Variants in ADAM18 observed in about 807,000 individuals in gnomAD.
ADAM18 encodes disintegrin and metalloproteinase domain-containing protein 18.
Under a neutral mutation model 94.4 loss-of-function variants are expected in ADAM18, and 117 were observed. The observed-to-expected ratio is 1.24, with a 90% CI of 1.07 to 1.45. The LOEUF is 1.45. Ranked by LOEUF, ADAM18 falls within the 40% of genes most tolerant of loss-of-function variation. ADAM18 has a pLI of 0.00. For missense variants in ADAM18, 936 were observed against 880.0 expected, an observed-to-expected ratio of 1.06 and a Z score of -0.81; for synonymous variants, 327 against 291.6, an observed-to-expected ratio of 1.12 and a Z score of -1.24.
intron 17 of ADAM18, among the ~76,000 whole-genome samples, chr8:39,693,473 T>C (rs1205130120): frequency 6.6e-6 from 1 of 151,272 alleles, no homozygotes. Flanking sequence ...TTCAGCCTTA[T>C]TATTTTTTAC....
chr8:39,589,702 C>T (rs1818516367), intron 2 of ADAM18, among the ~76,000 whole-genome samples: 1 of 151,688 alleles, frequency 6.6e-6, no homozygotes. Context: ...TTTTTAATTA[C>T]TAATTTTGTA....
intron 16 of ADAM18, among the ~76,000 whole-genome samples, chr8:39,686,009 C>T (rs1563306302): frequency 6.6e-6 from 1 of 152,174 alleles, no homozygotes; most frequent in Non-Finnish European, 1.5e-5. Context: ...CCTACCAATG[C>T]TCTGATCACA....
chr8:39,634,192 C>T (rs1474543160), intron 7 of ADAM18, among the ~76,000 whole-genome samples: 1 of 152,144 alleles, frequency 6.6e-6, no homozygotes, highest in African/African-American at 2.4e-5. Context: ...ACATCTCAGA[C>T]TGTGGTTTCA....
intron 10 of ADAM18, among the ~76,000 whole-genome samples, chr8:39,640,619 G>A (rs1226395026): frequency 6.6e-6 from 1 of 152,060 alleles, no homozygotes; most frequent in Non-Finnish European, 1.5e-5. Flanking sequence ...GTTCCACAAT[G>A]GTTGAAGTAA....
At chr8:39,657,668 C>T (rs1820725744) in intron 12 of ADAM18, among the ~76,000 whole-genome samples, 1 of 152,100 alleles carries the variant, frequency 6.6e-6, no homozygotes, top group Non-Finnish European at 1.5e-5. Flanking sequence ...TGACACTATT[C>T]ATGTTGTTTT....
rs143444909 is a variant in ADAM18, at chr8:39,625,727, T to G, written c.523-3647T>G. On this transcript the variant is annotated intron_variant, in intron 6 of 19. Transcript: ENST00000265707. ...TATGTTCCTTCTGTGCCTAGTTTGT[T>G]GAATTTTTTTATTATAAAGAGATGC... Among the ~76,000 whole-genome samples, 67 of 152,312 alleles carry G rather than the reference T, an allele frequency of 4.4e-4. No individual in the cohort carries two copies. The East Asian group carries it at 0.012, about 26-fold the overall frequency.
chr8:39,672,125 A>G (rs533523358), intron 14 of ADAM18, among the ~76,000 whole-genome samples: 1 of 152,318 alleles, frequency 6.6e-6, no homozygotes, highest in South Asian at 2.1e-4. Flanking sequence ...GCCATAGCAG[A>G]TAGTGGAAAA....
At position 39,636,523 on chromosome 8, in the gene ADAM18, A is replaced by T. The variant is rs186041091; in HGVS notation, c.589-741A>T. ...ATATTATAATCCTCTTTCATTCCTG[A>T]TGTTGGCAATTTATATCTTCTCTCT... is the stretch of plus-strand genomic sequence containing the variant. On this transcript the variant is annotated intron_variant, in intron 7 of 19. Coordinates refer to ENST00000265707, the MANE Select transcript of ADAM18 (RefSeq NM_014237.3). Among the ~76,000 whole-genome samples the T allele has an allele frequency of 6.6e-3, 1,002 of 152,152 alleles. 10 individuals carry two copies. The highest frequency in any genetic ancestry group is 0.023 in the African/African-American group (943 of 41,530).
chr8:39,624,766 G>C (rs1170256784), intron 6 of ADAM18, among the ~76,000 whole-genome samples: 1 of 152,092 alleles, frequency 6.6e-6, no homozygotes, highest in Admixed American at 6.5e-5. Flanking sequence ...GAGTTCTCAG[G>C]AGATCTGGTT....
chr8:39,622,229 T>C (rs1819636326), intron 6 of ADAM18, among the ~76,000 whole-genome samples: 1 of 151,034 alleles, frequency 6.6e-6, no homozygotes, highest in Admixed American at 6.6e-5. Context: ...GGCAAAATTA[T>C]ATTCTCATTG....
chr8:39,606,237 G>T, intron 2 of ADAM18, 70 bp from the exon 3 acceptor site: 1 of 812,524 alleles, frequency 1.2e-6, no homozygotes, highest in Non-Finnish European at 1.9e-6. Context: ...TTATTAACTT[G>T]GATGAATATT....
At chr8:39,680,726 A>G (rs1162405002) in intron 16 of ADAM18, among the ~76,000 whole-genome samples, 1 of 152,224 alleles carries the variant, frequency 6.6e-6, no homozygotes, top group African/African-American at 2.4e-5. Context: ...CTATGTAGTC[A>G]TAACATAAAA....
At chr8:39,620,909 A>G (rs1819596745) in intron 6 of ADAM18, among the ~76,000 whole-genome samples, 1 of 151,778 alleles carries the variant, frequency 6.6e-6, no homozygotes, top group Non-Finnish European at 1.5e-5. Flanking sequence ...TATTTAATGG[A>G]TACAATATAC....
intron 6 of ADAM18, chr8:39,611,434 T>A (rs1293940529): frequency 2.2e-6 from 2 of 907,980 alleles, no homozygotes; most frequent in Non-Finnish European, 2.6e-6. Context: ...AAAAAAAAAA[T>A]CCCATGAAGC....
rs143550557 is a variant in ADAM18 at position 39,592,561 on chromosome 8, C to T, written c.132+7209C>T. On this transcript the variant is annotated intron_variant, in intron 2 of 19. Transcript: ENST00000265707. Reference sequence around the variant, plus strand: ...CTAGCAACATGGAGGAACTGGAGGCCATTATCCTATGTGGAATAACCCAGA... The same window carrying T: ...CTAGCAACATGGAGGAACTGGAGGCTATTATCCTATGTGGAATAACCCAGA... Among the ~76,000 whole-genome samples the T allele has an allele frequency of 3.4e-3, 521 of 152,204 alleles. 4 individuals carry two copies. Among genetic ancestry groups the T allele is most frequent in the African/African-American group, 0.012 (495 of 41,528 alleles).
At chr8:39,676,746 A>C (rs1821313842) in intron 14 of ADAM18, among the ~76,000 whole-genome samples, 1 of 152,232 alleles carries the variant, frequency 6.6e-6, no homozygotes. Context: ...TGGGAGCTGC[A>C]GACTGGAGTT....
intron 10 of ADAM18, among the ~76,000 whole-genome samples, chr8:39,639,073 A>G (rs1191311771): frequency 3.9e-5 from 6 of 151,984 alleles, no homozygotes; most frequent in Non-Finnish European, 7.4e-5. Flanking sequence ...GTAACCATAT[A>G]ACTCCATGTT....
At chr8:39,592,125 T>A (rs1818585689) in intron 2 of ADAM18, among the ~76,000 whole-genome samples, 2 of 152,220 alleles carry the variant, frequency 1.3e-5, no homozygotes, top group Admixed American at 1.3e-4. Context: ...CAGGCATAAG[T>A]ACATTTAGCA....
intron 12 of ADAM18, among the ~76,000 whole-genome samples, chr8:39,662,901 A>G (rs895131945): frequency 6.6e-6 from 1 of 152,232 alleles, no homozygotes; most frequent in Non-Finnish European, 1.5e-5. Flanking sequence ...CTGGGATTAC[A>G]GGCGTGAGCC....
Sources: allele counts gnomAD v4.1 joint callset (sites outside exome capture counted in the v4.1 genomes callset), GRCh38; gene constraint gnomAD v4.1.1; transcripts MANE v1.5; gene names NCBI Gene and HGNC (gene_info 2026-07-23, HGNC 2026-07-21).